The following ZNF608 variants were observed in gnomAD, a reference collection of about 807,000 sequenced individuals.
ZNF608 encodes the protein zinc finger protein 608.
Under a neutral mutation model 109.0 loss-of-function variants are expected in ZNF608, and 12 were observed. That is an observed-to-expected ratio of 0.11 (90% CI 0.07 to 0.18). The LOEUF is 0.18. Ranked by LOEUF, ZNF608 falls within the 10% of genes least tolerant of loss-of-function variation. ZNF608 has a pLI of 1.00. For missense variants in ZNF608, 1,707 were observed against 1,879.3 expected, an observed-to-expected ratio of 0.91 and a Z score of 1.70; for synonymous variants, 732 against 717.4, an observed-to-expected ratio of 1.02 and a Z score of -0.33.
chr5:124,728,616 C>T (rs376416187), intron 2 of ZNF608, among the ~76,000 whole-genome samples: 16 of 152,272 alleles, frequency 1.1e-4, no homozygotes, highest in African/African-American at 3.6e-4. Context: ...CGTTCCTTAG[C>T]CATTTTTAAA....
Position 124,644,311 on chromosome 5 carries a change from T to C in ZNF608, c.4056A>G (p.Pro1352=). 6.2e-7 allele frequency: 1 copy of C among 1,614,010 alleles called. No homozygotes were observed. Among genetic ancestry groups the C allele is most frequent in the East Asian group, 2.2e-5 (1 of 44,874 alleles). The change falls in exon 6 of 10, where the codon CCA becomes CCG. Residue 1352 remains proline, a synonymous_variant. Coordinates refer to ENST00000513986, the MANE Select transcript of ZNF608 (RefSeq NM_020747.3). ...YIQYLHAYPY[P]QMYDPSHPAY... ...CAGGATGGCTGGGGTCGTACATCTGTGGGTAAGGATAAGCATGCAAGTACT... is the reference window on the plus strand; with the variant it reads ...CAGGATGGCTGGGGTCGTACATCTGCGGGTAAGGATAAGCATGCAAGTACT...
chr5:124,730,115 T>G (rs1340711675), intron 2 of ZNF608, among the ~76,000 whole-genome samples: 1 of 152,244 alleles, frequency 6.6e-6, no homozygotes, highest in Non-Finnish European at 1.5e-5. Context: ...ACCTATTTTT[T>G]CACCACCATT....
At chr5:124,710,302 C>T in intron 2 of ZNF608, 1 of 430,942 alleles carries the variant, frequency 2.3e-6, no homozygotes, top group Non-Finnish European at 4.6e-6. Context: ...ATTTTTCTTA[C>T]CTTCTTTTAG....
At chr5:124,705,303 A>T (rs1753214777) in intron 2 of ZNF608, among the ~76,000 whole-genome samples, 1 of 152,202 alleles carries the variant, frequency 6.6e-6, no homozygotes, top group African/African-American at 2.4e-5. Flanking sequence ...GTTAGCAGAC[A>T]GAATTGGGTT....
At chr5:124,711,614 T>A in intron 2 of ZNF608, among the ~76,000 whole-genome samples, 1 of 152,204 alleles carries the variant, frequency 6.6e-6, no homozygotes, top group African/African-American at 2.4e-5. Flanking sequence ...TTAAGCCGCC[T>A]CACTGTTGGG....
chr5:124,697,796 G>A (rs991688348), intron 3 of ZNF608, among the ~76,000 whole-genome samples: 2 of 152,124 alleles, frequency 1.3e-5, no homozygotes, highest in Non-Finnish European at 2.9e-5. Context: ...CCAGTCTTGC[G>A]ATTCCCAACC....
chr5:124,662,506 T>C (rs1419174191), intron 3 of ZNF608, among the ~76,000 whole-genome samples: 1 of 152,244 alleles, frequency 6.6e-6, no homozygotes, highest in African/African-American at 2.4e-5. Flanking sequence ...CTCTGTGCAT[T>C]AGGCCCAAGT....
At chr5:124,728,814 C>T (rs910345392) in intron 2 of ZNF608, among the ~76,000 whole-genome samples, 2 of 152,090 alleles carry the variant, frequency 1.3e-5, no homozygotes, top group African/African-American at 4.8e-5. Flanking sequence ...ACCATAAACC[C>T]CACCCACTTA....
At chr5:124,696,903 C>T (rs969874661) in intron 3 of ZNF608, among the ~76,000 whole-genome samples, 4 of 152,154 alleles carry the variant, frequency 2.6e-5, no homozygotes, top group East Asian at 1.9e-4. Flanking sequence ...CTTGTTTGCA[C>T]ATTAGAATCA....
rs1393573726 is a variant in ZNF608, at chr5:124,745,204, C to T, written c.-183-32G>A. The stretch of plus-strand genomic sequence containing the variant: ...AGGGGGGGGGAAAAGTCGAATATTT[C>T]TTGTCTGGGTGTTACCAGAATAAAA... On this transcript the variant is annotated intron_variant, in intron 1 of 9. Coordinates refer to ENST00000513986, the MANE Select transcript of ZNF608 (RefSeq NM_020747.3). The T allele has an allele frequency of 5.7e-6, 8 of 1,398,388 alleles. No homozygotes were observed. The African/African-American group carries it at 5.8e-5, about 10-fold the overall frequency. 86.6% of individuals were successfully genotyped at this position (1,398,388 alleles called of 1,614,324 possible). A position where few individuals can be genotyped will look rare whatever the true frequency, so the allele number is the denominator to read the frequency against.
At chr5:124,658,776 A>G (rs957044180) in intron 3 of ZNF608, among the ~76,000 whole-genome samples, 6 of 152,170 alleles carry the variant, frequency 3.9e-5, no homozygotes, top group African/African-American at 1.2e-4. Context: ...TCCCCTCCCC[A>G]ATCCAGTCTC....
chr5:124,707,279 T>C (rs2149859535), intron 2 of ZNF608, among the ~76,000 whole-genome samples: 1 of 152,128 alleles, frequency 6.6e-6, no homozygotes, highest in East Asian at 1.9e-4. Context: ...GACATTCAGG[T>C]GGCTCTGCTG....
chr5:124,683,514 A>G lies in ZNF608; in HGVS notation c.1162+17500T>C, dbSNP rs1217757065. Among the ~76,000 whole-genome samples, 4 of 152,208 alleles carry G rather than the reference A, an allele frequency of 2.6e-5. No individual in the cohort carries two copies. The East Asian group carries it at 7.7e-4, about 29-fold the overall frequency. On this transcript the variant is annotated intron_variant, in intron 3 of 9. Transcript: ENST00000513986. ...TATAAAATACCTAAAACTGAAAAATAAATCAAGAAATATCCACATAAACAT... is the reference window on the plus strand; with the variant it reads ...TATAAAATACCTAAAACTGAAAAATGAATCAAGAAATATCCACATAAACAT...
intron 8 of ZNF608, 101 bp downstream of exon 8, chr5:124,641,151 G>A (rs996188442): frequency 2.7e-6 from 4 of 1,474,280 alleles, no homozygotes; most frequent in Middle Eastern, 4.8e-4. Flanking sequence ...GAGAGCTAAT[G>A]TGAACTCAAA....
chr5:124,701,979 G>A (rs1753071581), intron 2 of ZNF608, among the ~76,000 whole-genome samples: 1 of 152,170 alleles, frequency 6.6e-6, no homozygotes, highest in Admixed American at 6.5e-5. Flanking sequence ...GATCCCTAAT[G>A]AGTTTGATTA....
intron 3 of ZNF608, among the ~76,000 whole-genome samples, chr5:124,674,684 C>G (rs1004442176): frequency 2.6e-5 from 4 of 152,274 alleles, no homozygotes; most frequent in East Asian, 3.9e-4. Flanking sequence ...AATCATAGCT[C>G]ACGGCAGCCT....
chr5:124,693,709 G>A (rs1278178911), intron 3 of ZNF608, among the ~76,000 whole-genome samples: 1 of 152,082 alleles, frequency 6.6e-6, no homozygotes, highest in African/African-American at 2.4e-5. Flanking sequence ...TAAAGTGACG[G>A]TCTATGTTGT....
At chr5:124,694,081 T>C (rs958540288) in intron 3 of ZNF608, among the ~76,000 whole-genome samples, 4 of 141,160 alleles carry the variant, frequency 2.8e-5, no homozygotes, top group Non-Finnish European at 6.1e-5. Context: ...TTTCACGCCA[T>C]TCTCCTGCCT....
chr5:124,673,772 T>A (rs2149816172), intron 3 of ZNF608, among the ~76,000 whole-genome samples: 1 of 152,316 alleles, frequency 6.6e-6, no homozygotes, highest in African/African-American at 2.4e-5. Context: ...ATATTCCTAT[T>A]ATCAAATGCT....
Sources: allele counts gnomAD v4.1 joint callset (sites outside exome capture counted in the v4.1 genomes callset), GRCh38; gene constraint gnomAD v4.1.1; transcripts MANE v1.5; gene names NCBI Gene and HGNC (gene_info 2026-07-23, HGNC 2026-07-21).